SDK1: variants seen among roughly 807,000 people sequenced by gnomAD.
The protein encoded by SDK1 is sidekick cell adhesion molecule 1.
A neutral mutation model predicts 245.5 loss-of-function variants in SDK1; 157 were observed. The ratio of observed to expected loss-of-function variants is 0.64; its 90% CI spans 0.56 to 0.73. The LOEUF is 0.73. Among genes scored for constraint, SDK1 ranks in the 30% least tolerant of loss-of-function variants. SDK1 has a pLI of 0.00. For synonymous variants in SDK1, 1,647 were observed against 1,278.5 expected (o/e 1.29, Z -6.15); for missense variants, 3,583 against 3,002.3 (o/e 1.19, Z -4.52).
At chr7:4,226,530 C>G (rs890731073) in intron 40 of SDK1, among the ~76,000 whole-genome samples, 4 of 152,242 alleles carry the variant, frequency 2.6e-5, no homozygotes, top group Non-Finnish European at 4.4e-5. Flanking sequence ...TGTGGAGACG[C>G]AGAACTGAGC....
Position 3,961,751 on chromosome 7 carries a change from C to T in SDK1, c.1235-906C>T, listed in dbSNP as rs114786304. 4.4e-3 allele frequency among the ~76,000 whole-genome samples: 677 copies of T among 152,300 alleles called. 5 individuals are homozygous for T. The highest frequency in any genetic ancestry group is 0.016 in the African/African-American group (645 of 41,546). On this transcript the variant is annotated intron_variant, in intron 8 of 44. Coordinates refer to ENST00000404826, the MANE Select transcript of SDK1 (RefSeq NM_152744.4). ...AGATGGCACTCATTTTCATTGTTAG[C>T]TGTTGGGATGAATAGTGATACTGCC...
intron 1 of SDK1, among the ~76,000 whole-genome samples, chr7:3,386,182 C>T (rs752050594): frequency 2.6e-5 from 4 of 152,208 alleles, no homozygotes; most frequent in South Asian, 4.1e-4. Context: ...TATGTATTAG[C>T]ATCCAGCCAA....
At chr7:3,859,185 T>C (rs1258779431) in intron 5 of SDK1, among the ~76,000 whole-genome samples, 2 of 152,056 alleles carry the variant, frequency 1.3e-5, no homozygotes, top group Non-Finnish European at 2.9e-5. Context: ...TGCTCAAGAT[T>C]TTGTGGGTCA....
At chr7:3,541,975 A>G (rs931609269) in intron 1 of SDK1, among the ~76,000 whole-genome samples, 1 of 152,270 alleles carries the variant, frequency 6.6e-6, no homozygotes, top group Non-Finnish European at 1.5e-5. Flanking sequence ...TTGTGGGTGC[A>G]GCACATCAAC....
chr7:3,314,416 C>T (rs573046397), intron 1 of SDK1, among the ~76,000 whole-genome samples: 2 of 152,238 alleles, frequency 1.3e-5, no homozygotes, highest in South Asian at 2.1e-4. Flanking sequence ...GGATCTTGGC[C>T]AGCAGAGAGT....
intron 1 of SDK1, among the ~76,000 whole-genome samples, chr7:3,373,636 C>CT (rs11456010): frequency 0.51 from 75,812 of 148,396 alleles, 19,644 homozygotes; most frequent in East Asian, 0.62. Flanking sequence ...ATGTTCTGTT[C>CT]TTTTTTTTTT....
At chr7:4,216,747 C>G (rs1784819230) in intron 38 of SDK1, among the ~76,000 whole-genome samples, 1 of 152,192 alleles carries the variant, frequency 6.6e-6, no homozygotes. Context: ...AGGTCTGTGC[C>G]TGACATCTGC....
At chr7:3,374,128 C>T (rs553740913) in intron 1 of SDK1, among the ~76,000 whole-genome samples, 1 of 152,128 alleles carries the variant, frequency 6.6e-6, no homozygotes, top group East Asian at 1.9e-4. Context: ...CAATGGAAGT[C>T]TTGGATTTGC....
At chr7:3,528,086 G>T (rs953750730) in intron 1 of SDK1, among the ~76,000 whole-genome samples, 2 of 149,026 alleles carry the variant, frequency 1.3e-5, no homozygotes, top group African/African-American at 5.0e-5. Context: ...TAGCCAGCTA[G>T]GGGGTGAAGG....
At chr7:3,724,977 G>A (rs1778967166) in intron 4 of SDK1, among the ~76,000 whole-genome samples, 1 of 152,232 alleles carries the variant, frequency 6.6e-6, no homozygotes, top group Admixed American at 6.5e-5. Flanking sequence ...TTCGTGGACA[G>A]CCAGCTCAGC....
intron 1 of SDK1, among the ~76,000 whole-genome samples, chr7:3,347,163 G>A (rs1780530606): frequency 6.6e-6 from 1 of 151,812 alleles, no homozygotes; most frequent in South Asian, 2.1e-4. Flanking sequence ...AGCCGGTTAA[G>A]TGGAGTTGTA....
At chr7:4,022,123 A>C (rs1182126959) in intron 17 of SDK1, among the ~76,000 whole-genome samples, 1 of 152,226 alleles carries the variant, frequency 6.6e-6, no homozygotes, top group East Asian at 1.9e-4. Context: ...TGAAGCTGAA[A>C]AGGGAGTAAT....
At chr7:3,745,576 A>G (rs779069935) in intron 4 of SDK1, among the ~76,000 whole-genome samples, 15 of 152,058 alleles carry the variant, frequency 9.9e-5, no homozygotes, top group Admixed American at 9.2e-4. Flanking sequence ...ATTCTATACA[A>G]TTTGATCCTA....
chr7:3,760,240 C>G (rs749204629), intron 4 of SDK1, among the ~76,000 whole-genome samples: 87 of 152,278 alleles, frequency 5.7e-4, no homozygotes, highest in Non-Finnish European at 9.9e-4. Flanking sequence ...AGTTTTTGAT[C>G]AATTTCAACA....
chr7:3,749,388 C>A (rs1210230345), intron 4 of SDK1, among the ~76,000 whole-genome samples: 1 of 152,172 alleles, frequency 6.6e-6, no homozygotes, highest in Non-Finnish European at 1.5e-5. Context: ...CAACCTCTGC[C>A]TCCCAGGTTC....
chr7:4,016,087 T>A (rs1056595617), intron 16 of SDK1, among the ~76,000 whole-genome samples: 3 of 152,236 alleles, frequency 2.0e-5, no homozygotes, highest in Non-Finnish European at 4.4e-5. Flanking sequence ...TCCACGCGTG[T>A]CTGTCTCAGC....
chr7:3,974,570 A>T (rs777210891), intron 13 of SDK1, 25 bp downstream of exon 13: 2 of 1,606,210 alleles, frequency 1.2e-6, no homozygotes, highest in South Asian at 1.1e-5. Flanking sequence ...GTTTGGTGTT[A>T]GCCAGTCCGC....
chr7:3,523,349 C>T (rs934107874), intron 1 of SDK1, among the ~76,000 whole-genome samples: 3 of 152,158 alleles, frequency 2.0e-5, no homozygotes, highest in African/African-American at 7.2e-5. Flanking sequence ...CATAGGGCTT[C>T]TAACCTAGTG....
intron 1 of SDK1, among the ~76,000 whole-genome samples, chr7:3,482,099 G>C (rs991369945): frequency 1.3e-5 from 2 of 152,160 alleles, no homozygotes; most frequent in Non-Finnish European, 2.9e-5. Context: ...TATCCTACCA[G>C]ACATTGTAAA....
Sources: gnomAD v4.1 joint callset for allele counts (sites outside exome capture counted in the v4.1 genomes callset) on GRCh38, gnomAD v4.1.1 for gene constraint, MANE v1.5 for transcripts, NCBI Gene and HGNC (gene_info 2026-07-23, HGNC 2026-07-21) for gene names.